The following SCGB2B2 variants were observed in gnomAD, a reference collection of about 807,000 sequenced individuals.
SCGB2B2 encodes secretoglobin family 2B member 2.
A neutral mutation model predicts 7.6 loss-of-function variants in SCGB2B2; 11 were observed. The ratio of observed to expected loss-of-function variants is 1.45; its 90% CI spans 0.91 to 2.40. The LOEUF is 2.40. Among genes scored for constraint, SCGB2B2 ranks in the 30% most tolerant of loss-of-function variants. The probability of loss-of-function intolerance (pLI) is 0.00; values close to 1 mark genes in which losing one functional copy is unlikely to be tolerated. For missense variants in SCGB2B2, 104 were observed against 115.4 expected (o/e 0.90, Z 0.45); for synonymous variants, 50 against 48.6 (o/e 1.03, Z -0.12).
intron 1 of SCGB2B2, among the ~76,000 whole-genome samples, chr19:34,668,849 T>A (rs1052199516): frequency 1.3e-5 from 2 of 152,144 alleles, no homozygotes; most frequent in Non-Finnish European, 2.9e-5. Context: ...CAGCACCCTG[T>A]GGAAACAGAC....
At chr19:34,588,612 C>T (rs2065231539), downstream of SCGB2B2, among the ~76,000 whole-genome samples, 1 of 152,222 alleles carries the variant, frequency 6.6e-6, no homozygotes, top group African/African-American at 2.4e-5. Flanking sequence ...AGCCCCAGGG[C>T]TTGCCACCCC....
intron 1 of SCGB2B2, among the ~76,000 whole-genome samples, chr19:34,653,478 T>C (rs2067211762): frequency 6.6e-6 from 1 of 151,018 alleles, no homozygotes. Flanking sequence ...CATAAATATA[T>C]ACAATTATTA....
At chr19:34,629,326 A>G (rs2066464215) in intron 1 of SCGB2B2, among the ~76,000 whole-genome samples, 1 of 151,978 alleles carries the variant, frequency 6.6e-6, no homozygotes, top group South Asian at 2.1e-4. Flanking sequence ...GAGGAAGTCA[A>G]ATTGCCCCTG....
chr19:34,597,743 T>G (rs1177234359), intron 1 of SCGB2B2, among the ~76,000 whole-genome samples: 1 of 152,120 alleles, frequency 6.6e-6, no homozygotes, highest in African/African-American at 2.4e-5. Flanking sequence ...AATTATTTGG[T>G]TTTGCCCTGT....
intron 1 of SCGB2B2, among the ~76,000 whole-genome samples, chr19:34,622,571 AC>A (rs2066269298): frequency 6.6e-6 from 1 of 152,194 alleles, no homozygotes; most frequent in Non-Finnish European, 1.5e-5. Context: ...AGATATAGGT[AC>A]TTTACTGAAG....
intron 1 of SCGB2B2, chr19:34,635,244 C>T (rs536093346): frequency 2.1e-4 from 58 of 275,194 alleles, no homozygotes; most frequent in South Asian, 7.1e-4. Context: ...TAAATAATTT[C>T]GCACATTTGC....
intron 1 of SCGB2B2, among the ~76,000 whole-genome samples, chr19:34,666,458 T>G (rs1379318806): frequency 3.3e-5 from 5 of 151,904 alleles, no homozygotes; most frequent in African/African-American, 1.2e-4. Flanking sequence ...CACCTGCGGG[T>G]CCCAGTGCAC....
At chr19:34,651,774 A>G (rs1040699561) in intron 1 of SCGB2B2, among the ~76,000 whole-genome samples, 3 of 151,378 alleles carry the variant, frequency 2.0e-5, no homozygotes, top group Admixed American at 6.6e-5. Context: ...AATAGAAAAA[A>G]TAATCCTAAA....
downstream of SCGB2B2, among the ~76,000 whole-genome samples, chr19:34,586,416 C>T (rs572637569): frequency 6.6e-6 from 1 of 152,288 alleles, no homozygotes; most frequent in East Asian, 1.9e-4. Flanking sequence ...CTCTGTGTAA[C>T]ACCCTCTCCT....
At position 34,594,771 on chromosome 19, in the gene SCGB2B2, T is replaced by C. The variant is rs981515360; in HGVS notation, c.-208A>G. 2 of 603,710 alleles carry C rather than the reference T, an allele frequency of 3.3e-6. No individual in the cohort carries two copies. The highest frequency in any genetic ancestry group is 6.1e-6 in the Non-Finnish European group (2 of 329,106). The allele number at this position is 603,710 out of a possible 1,614,324, so 37.4% of individuals were successfully genotyped here. A position where few individuals can be genotyped will look rare whatever the true frequency, so the allele number is the denominator to read the frequency against. On this transcript the variant is annotated 5_prime_UTR_variant, in exon 2 of 4. Transcript: ENST00000601241. ...GCCATGCTGTTGGGGTGGCAGCGTA[T>C]CGGGAACTGGACTCAGCATGCAGTG...
At chr19:34,660,429 A>C (rs1261632953) in intron 1 of SCGB2B2, among the ~76,000 whole-genome samples, 1 of 152,208 alleles carries the variant, frequency 6.6e-6, no homozygotes, top group African/African-American at 2.4e-5. Context: ...AACTTAAACA[A>C]ATTTACAAGA....
At chr19:34,663,179 T>TG (rs2067512931) in intron 1 of SCGB2B2, among the ~76,000 whole-genome samples, 1 of 152,216 alleles carries the variant, frequency 6.6e-6, no homozygotes. Flanking sequence ...ACAGTGTGGC[T>TG]GGGGGTGTGC....
At chr19:34,620,585 C>A (rs1488599177) in intron 1 of SCGB2B2, among the ~76,000 whole-genome samples, 1 of 151,970 alleles carries the variant, frequency 6.6e-6, no homozygotes, top group Non-Finnish European at 1.5e-5. Flanking sequence ...TTAATGGGTG[C>A]AGCACACCAA....
chr19:34,597,700 C>T (rs1297841045), intron 1 of SCGB2B2, among the ~76,000 whole-genome samples: 1 of 152,220 alleles, frequency 6.6e-6, no homozygotes, highest in East Asian at 1.9e-4. Context: ...CTTCCCTGCA[C>T]CCTCATGGCC....
intron 1 of SCGB2B2, among the ~76,000 whole-genome samples, chr19:34,673,897 T>C (rs1274956870): frequency 3.3e-5 from 5 of 152,220 alleles, no homozygotes; most frequent in Non-Finnish European, 7.3e-5. Flanking sequence ...TGGCATCCTC[T>C]GGCTCTCTTA....
At chr19:34,609,706 AT>A (rs1289951301) in intron 1 of SCGB2B2, among the ~76,000 whole-genome samples, 1 of 152,002 alleles carries the variant, frequency 6.6e-6, no homozygotes, top group Admixed American at 6.6e-5. Context: ...GTACAATACT[AT>A]TTTTTAAAAA....
intron 1 of SCGB2B2, among the ~76,000 whole-genome samples, chr19:34,609,634 T>A (rs73040205): frequency 6.6e-6 from 1 of 152,272 alleles, no homozygotes; most frequent in Admixed American, 6.5e-5. Context: ...ATGGTAAATA[T>A]GTGGATTTAT....
intron 1 of SCGB2B2, among the ~76,000 whole-genome samples, chr19:34,612,332 T>C (rs1263686882): frequency 6.6e-6 from 1 of 152,174 alleles, no homozygotes; most frequent in African/African-American, 2.4e-5. Flanking sequence ...CCACTGTGCC[T>C]GGCTGAAAAT....
chr19:34,588,198 T>A (rs2065223065), downstream of SCGB2B2, among the ~76,000 whole-genome samples: 1 of 152,256 alleles, frequency 6.6e-6, no homozygotes, highest in African/African-American at 2.4e-5. Context: ...AGATTCAATT[T>A]GTCACTTGTA....
Sources: allele counts gnomAD v4.1 joint callset (sites outside exome capture counted in the v4.1 genomes callset), GRCh38; gene constraint gnomAD v4.1.1; transcripts MANE v1.5; gene names NCBI Gene and HGNC (gene_info 2026-07-23, HGNC 2026-07-21).